DTL: variants seen among roughly 807,000 people sequenced by gnomAD.
DTL encodes denticleless protein homolog.
Under a neutral mutation model 87.0 loss-of-function variants are expected in DTL, and 46 were observed. That is an observed-to-expected ratio of 0.53 (90% CI 0.42 to 0.68). The LOEUF (loss-of-function observed/expected upper bound fraction) is 0.68, where lower values mean the gene tolerates loss of function less well. DTL is among the 30% of genes least tolerant of loss of function. DTL has a pLI of 0.00. For synonymous variants in DTL, 308 were observed against 311.2 expected (o/e 0.99, Z 0.11); for missense variants, 737 against 869.4 (o/e 0.85, Z 1.91).
At chr1:212,076,706 G>A (rs1186720653) in intron 11 of DTL, among the ~76,000 whole-genome samples, 3 of 152,116 alleles carry the variant, frequency 2.0e-5, no homozygotes, top group East Asian at 1.9e-4. Context: ...AAACTTAATC[G>A]ACTGGGGCCA....
chr1:212,074,277 T>A (rs1282055860), intron 11 of DTL, among the ~76,000 whole-genome samples: 1 of 148,096 alleles, frequency 6.8e-6, no homozygotes, highest in African/African-American at 2.5e-5. Context: ...TATGTGTATC[T>A]TGTGTAAAGT....
chr1:212,092,570 C>G (rs1174167601), intron 13 of DTL, among the ~76,000 whole-genome samples: 3 of 152,080 alleles, frequency 2.0e-5, no homozygotes, highest in Non-Finnish European at 4.4e-5. Context: ...CAACTCCATC[C>G]TGGTTCCTGC....
intron 1 of DTL, among the ~76,000 whole-genome samples, chr1:212,041,633 T>C (rs1391455782): frequency 6.6e-6 from 1 of 151,840 alleles, no homozygotes; most frequent in Non-Finnish European, 1.5e-5. Context: ...AGCCTCCGAG[T>C]AGCTGGGACT....
At chr1:212,062,854 C>T (rs1239410643) in intron 5 of DTL, 30 bp from the exon 6 acceptor site, 3 of 1,588,066 alleles carry the variant, frequency 1.9e-6, no homozygotes, top group South Asian at 2.2e-5. Flanking sequence ...GTTTTGTTAA[C>T]CTCTTAATAA....
At chr1:212,082,044 A>AG (rs1275957683) in intron 13 of DTL, among the ~76,000 whole-genome samples, 1 of 152,188 alleles carries the variant, frequency 6.6e-6, no homozygotes, top group Non-Finnish European at 1.5e-5. Context: ...TTAGAGGTTG[A>AG]GGAGGTGACA....
At position 212,035,791 on chromosome 1, in the gene DTL, A is replaced by G. The variant is rs1252352305; in HGVS notation, c.-100A>G. On this transcript the variant is annotated 5_prime_UTR_variant, in exon 1 of 15. Transcript: ENST00000366991. ...CTTACAGTGGCGGGAGTTGGAGGCG[A>G]TAACGATTTGTGTTGTGAGAGGCGC... 3 of 1,158,192 alleles carry G rather than the reference A, an allele frequency of 2.6e-6. No homozygotes were observed. The African/African-American group carries it at 4.6e-5, about 18-fold the overall frequency. The allele number at this position is 1,158,192 out of a possible 1,614,324, so 71.7% of individuals were successfully genotyped here.
chr1:212,064,406 T>C (rs1229241146), intron 6 of DTL, among the ~76,000 whole-genome samples: 2 of 152,232 alleles, frequency 1.3e-5, no homozygotes, highest in African/African-American at 4.8e-5. Flanking sequence ...ATCAGTGTTA[T>C]ATATTCTTAG....
At position 212,103,195 on chromosome 1, in the gene DTL, T is replaced by G. The variant is rs111458401; in HGVS notation, c.*255T>G. 1,344 of 243,902 alleles carry G rather than the reference T, an allele frequency of 5.5e-3. 21 individuals are homozygous for G. The highest frequency in any genetic ancestry group is 0.027 in the African/African-American group (1,204 of 44,476). The allele number at this position is 243,902 out of a possible 1,614,324, so 15.1% of individuals were successfully genotyped here. On this transcript the variant is annotated 3_prime_UTR_variant, in exon 15 of 15. Coordinates refer to ENST00000366991, the MANE Select transcript of DTL (RefSeq NM_016448.4). ...AAAGTAAATTTGTCACTCTAGCATTTTGAATGAATAGTCTTCACTTTTTAA... is the reference window on the plus strand; with the variant it reads ...AAAGTAAATTTGTCACTCTAGCATTGTGAATGAATAGTCTTCACTTTTTAA...
chr1:212,051,509 T>A (rs1667980493), intron 5 of DTL: 1 of 496,860 alleles, frequency 2.0e-6, no homozygotes, highest in Admixed American at 3.3e-5. Context: ...CTTTATTTTT[T>A]TTTTTTAACA....
At chr1:212,047,026 A>G in intron 3 of DTL, 125 bp from the exon 4 acceptor site, 1 of 800,752 alleles carries the variant, frequency 1.2e-6, no homozygotes, top group South Asian at 1.7e-5. Context: ...TTTGATTTGC[A>G]TTTCTCTAAT....
At position 212,062,098 on chromosome 1, in the gene DTL, T is replaced by C. The variant is rs559561881; in HGVS notation, c.461-786T>C. 3.9e-5 allele frequency among the ~76,000 whole-genome samples: 6 copies of C among 152,316 alleles called. No individual in the cohort carries two copies. In the East Asian group the frequency reaches 1.2e-3, roughly 29 times the overall value. On this transcript the variant is annotated intron_variant, in intron 5 of 14. Transcript: ENST00000366991. Reference sequence around the variant, plus strand: ...CACATTCTATGCAGGCATCAAAATATCACATATACCCCATAAATATGTAAA... The same window carrying C: ...CACATTCTATGCAGGCATCAAAATACCACATATACCCCATAAATATGTAAA...
intron 5 of DTL, among the ~76,000 whole-genome samples, chr1:212,055,454 C>T (rs1407426581): frequency 6.6e-6 from 1 of 152,174 alleles, no homozygotes; most frequent in Non-Finnish European, 1.5e-5. Context: ...GCCCAGCCCC[C>T]ACCAGACTGT....
chr1:212,052,379 G>A (rs567133280), intron 5 of DTL, among the ~76,000 whole-genome samples: 2 of 152,226 alleles, frequency 1.3e-5, no homozygotes, highest in East Asian at 1.9e-4. Context: ...GCTCAGGCCT[G>A]TAATCCAAGC....
intron 10 of DTL, 135 bp downstream of exon 10, chr1:212,068,838 C>T (rs1463904079): frequency 1.8e-6 from 1 of 560,826 alleles, no homozygotes; most frequent in Non-Finnish European, 3.1e-6. Flanking sequence ...TGATTACATC[C>T]AGTGATAATT....
Position 212,044,757 on chromosome 1 carries a change from A to G in DTL, c.276A>G (p.Lys92=). 1 of 1,588,004 alleles carries G rather than the reference A, an allele frequency of 6.3e-7. No individual in the cohort carries two copies. Among genetic ancestry groups the G allele is most frequent in the Non-Finnish European group, 8.6e-7 (1 of 1,158,858 alleles). ...ESQSFRKKCF[K]EWMAHWNAVF... ...AAAGTTTCAGAAAGAAGTGCTTCAA[A>G]GGTAAGTCTAGGTCTACAATTTTTG... Residue 92 remains lysine, a splice_region_variant and synonymous_variant, in exon 3 of 15, where the codon AAA becomes AAG. Transcript: ENST00000366991.
rs1655596565 is a variant in DTL, at chr1:212,100,743, C to G, written c.1753C>G (p.His585Asp). Residue 585 changes from histidine to aspartate, a missense_variant, in exon 14 of 15, where the codon CAT becomes GAT. His to Asp is a moderately conservative substitution (Grantham distance 81). Transcript: ENST00000366991. ...TELDGQVENLHLDLCCLAGNQ... is the reference protein window; with the variant it reads ...TELDGQVENLDLDLCCLAGNQ... ...GCTTGATGGCCAAGTTGAAAATCTT[C>G]ATTTGGATCTGTGCTGCCTTGCTGG... 1 of 1,614,104 alleles carries G rather than the reference C, an allele frequency of 6.2e-7. No individual in the cohort carries two copies.
Position 212,100,932 on chromosome 1 carries a change from G to A in DTL, c.1942G>A (p.Glu648Lys). ...TTTGAGACCTTGTGGAGAAGGGTCTGAAATGGTAGGCAAAGAGAATAGTTC... is the reference window on the plus strand; with the variant it reads ...TTTGAGACCTTGTGGAGAAGGGTCTAAAATGGTAGGCAAAGAGAATAGTTC... ...LPLRPCGEGS[E>K]MVGKENSSPE... is the part of the protein sequence containing the mutation. Residue 648 changes from glutamate to lysine, a missense_variant, in exon 14 of 15, where the codon GAA (glutamate) becomes AAA (lysine). Coordinates refer to ENST00000366991, the MANE Select transcript of DTL (RefSeq NM_016448.4). The A allele has an allele frequency of 6.2e-7, 1 of 1,614,198 alleles. No individual in the cohort carries two copies. The highest frequency in any genetic ancestry group is 8.5e-7 in the Non-Finnish European group (1 of 1,180,020).
At chr1:212,043,148 G>A (rs376795749) in intron 2 of DTL, 30 bp downstream of exon 2, 28 of 1,593,686 alleles carry the variant, frequency 1.8e-5, no homozygotes, top group Non-Finnish European at 2.3e-5. Flanking sequence ...GGCAAGGCTT[G>A]GACAGAAATG....
chr1:212,065,178 T>G (rs1654454185), intron 7 of DTL, 149 bp downstream of exon 7: 2 of 556,140 alleles, frequency 3.6e-6, no homozygotes, highest in Non-Finnish European at 6.1e-6. Flanking sequence ...TTTGTGGTTC[T>G]CAAATTTTAA....
Sources: allele counts gnomAD v4.1 joint callset (sites outside exome capture counted in the v4.1 genomes callset), GRCh38; gene constraint gnomAD v4.1.1; transcripts MANE v1.5; gene names NCBI Gene and HGNC (gene_info 2026-07-23, HGNC 2026-07-21).